The following MLF1 variants were observed in gnomAD, a reference collection of about 807,000 sequenced individuals.
The protein encoded by MLF1 is myeloid leukemia factor 1.
A neutral mutation model predicts 38.3 loss-of-function variants in MLF1; 37 were observed. That is an observed-to-expected ratio of 0.96 (90% CI 0.74 to 1.27). MLF1 has a LOEUF of 1.27. Among genes scored for constraint, MLF1 ranks in the 50% most tolerant of loss-of-function variants. The probability of loss-of-function intolerance (pLI) is 0.00; values close to 1 mark genes in which losing one functional copy is unlikely to be tolerated. For missense variants in MLF1, 331 were observed against 349.2 expected (o/e 0.95, Z 0.42); for synonymous variants, 95 against 106.5 (o/e 0.89, Z 0.66).
At chr3:158,590,298 A>C (rs1717929416) in intron 1 of MLF1, among the ~76,000 whole-genome samples, 2 of 152,204 alleles carry the variant, frequency 1.3e-5, no homozygotes, top group African/African-American at 4.8e-5. Flanking sequence ...CCTACCACTC[A>C]AATGGCTACA....
At position 158,602,829 on chromosome 3, in the gene MLF1, G is replaced by A. The variant is rs1201187934; in HGVS notation, c.636G>A (p.Glu212=). The A allele has an allele frequency of 5.0e-6, 8 of 1,613,462 alleles. No individual in the cohort carries two copies. Among genetic ancestry groups the A allele is most frequent in the Non-Finnish European group, 5.9e-6 (7 of 1,179,718 alleles). Residue 212 remains glutamate, a synonymous_variant, in exon 7 of 8, where the codon GAG becomes GAA. Coordinates refer to ENST00000466246, the MANE Select transcript of MLF1 (RefSeq NM_001369783.1). ...TAGGTGATGCTCATGCTTTTGATGAGGAGTGGCAAAGTGAGGTTTTGAAGT... is the reference window on the plus strand; with the variant it reads ...TAGGTGATGCTCATGCTTTTGATGAAGAGTGGCAAAGTGAGGTTTTGAAGT... ...MNESDAHAFD[E]EWQSEVLKYK...
intron 1 of MLF1, among the ~76,000 whole-genome samples, chr3:158,589,150 T>C (rs1385252581): frequency 6.6e-6 from 1 of 152,218 alleles, no homozygotes; most frequent in Non-Finnish European, 1.5e-5. Flanking sequence ...CCATCTGATA[T>C]ATAGGATGGT....
intron 1 of MLF1, among the ~76,000 whole-genome samples, chr3:158,581,563 A>G (rs1444418259): frequency 1.3e-5 from 2 of 152,202 alleles, no homozygotes; most frequent in African/African-American, 4.8e-5. Context: ...TCTTATGACT[A>G]CAGAACACTT....
At position 158,598,064 on chromosome 3, in the gene MLF1, A is replaced by G. The variant is rs560848672; in HGVS notation, c.325-16A>G. On this transcript the variant is annotated splice_polypyrimidine_tract_variant and intron_variant, in intron 4 of 7. Coordinates refer to ENST00000466246, the MANE Select transcript of MLF1 (RefSeq NM_001369783.1). ...TATATTTGACTCGACTGAATTTACA[A>G]TTTGTTTACCTGTAGGGTCAACTTT... The G allele has an allele frequency of 3.3e-5, 53 of 1,609,350 alleles. No individual in the cohort carries two copies. Among genetic ancestry groups the G allele is most frequent in the East Asian group, 1.3e-4 (6 of 44,812 alleles).
At chr3:158,598,291 T>G (rs980065089) in intron 5 of MLF1, 83 bp downstream of exon 5, 5 of 1,416,020 alleles carry the variant, frequency 3.5e-6, no homozygotes, top group Admixed American at 4.7e-5. Context: ...CTATTAAAAT[T>G]TAATCTGGTA....
chr3:158,594,558 TAGAAG>T (rs535464971), intron 3 of MLF1, among the ~76,000 whole-genome samples: 23 of 152,316 alleles, frequency 1.5e-4, no homozygotes, highest in Non-Finnish European at 2.5e-4. Flanking sequence ...CTTGAAATAT[TAGAAG>T]AGACCATAGT....
At chr3:158,602,769 C>A in intron 6 of MLF1, 38 bp from the exon 7 acceptor site, 1 of 1,604,000 alleles carries the variant, frequency 6.2e-7, no homozygotes, top group South Asian at 1.1e-5. Flanking sequence ...CAGTTGATAC[C>A]TTAATACTTA....
At chr3:158,574,524 A>AAAAAAAC (rs1715099219) in intron 1 of MLF1, among the ~76,000 whole-genome samples, 3 of 116,222 alleles carry the variant, frequency 2.6e-5, no homozygotes, top group African/African-American at 1.4e-4. Flanking sequence ...AAAAAAAAAA[A>AAAAAAAC]AAATACAAAA....
chr3:158,591,178 G>C, intron 1 of MLF1: 1 of 196,060 alleles, frequency 5.1e-6, no homozygotes, highest in South Asian at 3.6e-5. Context: ...TTTTTTTTTT[G>C]AGACAGAGTC....
intron 1 of MLF1, among the ~76,000 whole-genome samples, chr3:158,582,156 G>A (rs935398791): frequency 6.6e-6 from 1 of 152,006 alleles, no homozygotes; most frequent in Non-Finnish European, 1.5e-5. Flanking sequence ...CTCCAGCCTG[G>A]GCAACAGAGG....
intron 5 of MLF1, among the ~76,000 whole-genome samples, chr3:158,598,854 A>G (rs12106885): frequency 0.18 from 27,321 of 152,036 alleles, 2,793 homozygotes; most frequent in African/African-American, 0.27. Context: ...CAATTTTATT[A>G]CTTCACGTTT....
intron 6 of MLF1, 69 bp from the exon 7 acceptor site, chr3:158,602,738 T>C: frequency 6.7e-7 from 1 of 1,492,818 alleles, no homozygotes; most frequent in Non-Finnish European, 9.2e-7. Context: ...CTGAAATATG[T>C]GGGAGCAAGG....
intron 3 of MLF1, 125 bp downstream of exon 3, chr3:158,593,551 T>C (rs1718473443): frequency 3.1e-6 from 2 of 648,818 alleles, no homozygotes; most frequent in Non-Finnish European, 2.5e-6. Flanking sequence ...ATGTTTGTAC[T>C]GAAAACCTCT....
intron 1 of MLF1, among the ~76,000 whole-genome samples, chr3:158,573,914 C>T (rs941171070): frequency 6.6e-6 from 1 of 152,140 alleles, no homozygotes; most frequent in Non-Finnish European, 1.5e-5. Flanking sequence ...AAGCGATCCT[C>T]CTGCCTCAGC....
chr3:158,575,310 A>G (rs1319819910), intron 1 of MLF1, among the ~76,000 whole-genome samples: 3 of 152,232 alleles, frequency 2.0e-5, no homozygotes, highest in Non-Finnish European at 4.4e-5. Flanking sequence ...AATAGTGGCC[A>G]GAACTCTGCT....
intron 1 of MLF1, among the ~76,000 whole-genome samples, chr3:158,579,542 A>G (rs2108566302): frequency 6.6e-6 from 1 of 152,360 alleles, no homozygotes; most frequent in South Asian, 2.1e-4. Flanking sequence ...GAACATACAC[A>G]TATTCAAATA....
At chr3:158,604,501 A>G (rs185941623) in intron 7 of MLF1, among the ~76,000 whole-genome samples, 5 of 152,334 alleles carry the variant, frequency 3.3e-5, no homozygotes, top group East Asian at 1.9e-4. Context: ...GAATTATTTT[A>G]TTTTAATTCA....
intron 2 of MLF1, among the ~76,000 whole-genome samples, chr3:158,592,982 G>T: frequency 6.6e-6 from 1 of 151,680 alleles, no homozygotes. Flanking sequence ...TGTCTTTATT[G>T]GACCAGGAAA....
chr3:158,597,426 GA>G (rs960427168), intron 4 of MLF1, among the ~76,000 whole-genome samples: 2 of 152,086 alleles, frequency 1.3e-5, no homozygotes, highest in Non-Finnish European at 2.9e-5. Flanking sequence ...TCTGAAAACA[GA>G]AATTTTAGGA....
Sources: allele counts gnomAD v4.1 joint callset (sites outside exome capture counted in the v4.1 genomes callset), GRCh38; gene constraint gnomAD v4.1.1; transcripts MANE v1.5; gene names NCBI Gene and HGNC (gene_info 2026-07-23, HGNC 2026-07-21).